Variants in WWTR1 observed in about 807,000 individuals in gnomAD.
WWTR1 encodes WW domain-containing transcription regulator protein 1.
WWTR1 carries 13 observed loss-of-function variants against 40.1 expected under a neutral mutation model. The ratio of observed to expected loss-of-function variants is 0.32; its 90% confidence interval spans 0.21 to 0.52. The LOEUF is 0.52. Ranked by LOEUF, WWTR1 falls within the 20% of genes least tolerant of loss-of-function variation. WWTR1 has a pLI of 0.97. For missense variants in WWTR1, 436 were observed against 523.1 expected (o/e 0.83, Z 1.63); for synonymous variants, 230 against 210.1 (o/e 1.09, Z -0.82).
chr3:149,657,435 A>C, intron 1 of WWTR1, 126 bp from the exon 2 acceptor site: 15 of 1,136,320 alleles, frequency 1.3e-5, no homozygotes, highest in Non-Finnish European at 1.8e-5. Flanking sequence ...GAGACAGATA[A>C]TTGCCCGCCT....
chr3:149,616,074 G>T (rs1287164501), intron 2 of WWTR1, among the ~76,000 whole-genome samples: 2 of 152,088 alleles, frequency 1.3e-5, no homozygotes, highest in Non-Finnish European at 2.9e-5. Flanking sequence ...AAACAAACCA[G>T]GAATATTCCA....
At chr3:149,616,790 A>C (rs1214415860) in intron 2 of WWTR1, among the ~76,000 whole-genome samples, 1 of 152,198 alleles carries the variant, frequency 6.6e-6, no homozygotes, top group Admixed American at 6.5e-5. Context: ...AGGTATTATG[A>C]GAAGTCATTT....
intron 2 of WWTR1, among the ~76,000 whole-genome samples, chr3:149,589,089 C>T (rs556804910): frequency 1.3e-5 from 2 of 152,276 alleles, no homozygotes; most frequent in African/African-American, 4.8e-5. Flanking sequence ...CAGGAGCTGC[C>T]CTCTCCTTGG....
intron 2 of WWTR1, among the ~76,000 whole-genome samples, chr3:149,583,335 G>T (rs1328187805): frequency 6.6e-6 from 1 of 152,140 alleles, no homozygotes; most frequent in African/African-American, 2.4e-5. Context: ...CATTAGACAA[G>T]TATTTACAGT....
chr3:149,645,236 C>A (rs568189856), intron 2 of WWTR1, among the ~76,000 whole-genome samples: 2 of 152,148 alleles, frequency 1.3e-5, no homozygotes, highest in Non-Finnish European at 2.9e-5. Context: ...CCCGCCACCA[C>A]GCCTGGCTAA....
chr3:149,639,860 G>A (rs1712049883), intron 2 of WWTR1, among the ~76,000 whole-genome samples: 2 of 152,038 alleles, frequency 1.3e-5, no homozygotes, highest in Non-Finnish European at 2.9e-5. Flanking sequence ...CAGGCGTGGT[G>A]GTGGGCACTT....
At chr3:149,536,432 A>G (rs1288348981) in intron 4 of WWTR1, among the ~76,000 whole-genome samples, 1 of 151,568 alleles carries the variant, frequency 6.6e-6, no homozygotes, top group Non-Finnish European at 1.5e-5. Flanking sequence ...CTCCAATACG[A>G]CACTCTCCTA....
At chr3:149,561,555 A>T (rs575117049) in intron 3 of WWTR1, among the ~76,000 whole-genome samples, 20 of 152,358 alleles carry the variant, frequency 1.3e-4, no homozygotes, top group Admixed American at 1.2e-3. Flanking sequence ...TATCCTATAC[A>T]TAAACAGCAT....
chr3:149,642,546 C>T (rs1469374326), intron 2 of WWTR1, among the ~76,000 whole-genome samples: 2 of 151,892 alleles, frequency 1.3e-5, no homozygotes, highest in South Asian at 2.1e-4. Context: ...GAGGCCGAGG[C>T]GGGTGGATCA....
intron 2 of WWTR1, among the ~76,000 whole-genome samples, chr3:149,651,991 AAT>A (rs1560104157): frequency 5.9e-5 from 3 of 50,816 alleles, no homozygotes; most frequent in Admixed American, 2.4e-4. Flanking sequence ...ACGCCCGGCT[AAT>A]TTTTTTTTTT....
At chr3:149,533,033 G>A (rs748322549) in intron 4 of WWTR1, among the ~76,000 whole-genome samples, 5 of 152,150 alleles carry the variant, frequency 3.3e-5, no homozygotes, top group Non-Finnish European at 7.3e-5. Context: ...CCCTCTAGTC[G>A]AGGCAGGAAA....
chr3:149,691,693 C>T (rs1468506063), intron 1 of WWTR1, among the ~76,000 whole-genome samples: 1 of 152,102 alleles, frequency 6.6e-6, no homozygotes, highest in African/African-American at 2.4e-5. Context: ...ACCTGGGACT[C>T]TATGGCTTCG....
chr3:149,622,821 C>T (rs866572132), intron 2 of WWTR1, among the ~76,000 whole-genome samples: 1 of 151,734 alleles, frequency 6.6e-6, no homozygotes, highest in South Asian at 2.1e-4. Context: ...GCCCGAGAGG[C>T]AGAGGCTGCA....
At position 149,527,158 on chromosome 3, in the gene WWTR1, T is replaced by C. The variant is rs1156907960; in HGVS notation, c.905+678A>G. On this transcript the variant is annotated intron_variant, in intron 5 of 6. Coordinates refer to ENST00000360632, the MANE Select transcript of WWTR1 (RefSeq NM_015472.6). ...AACATCATCTCTTTTCTTTTCTTTC[T>C]TTTTTTTTTTTTTGAGATGGAGTTT... Among the ~76,000 whole-genome samples, 5 of 35,650 alleles carry C rather than the reference T, an allele frequency of 1.4e-4. No homozygotes were observed. The East Asian group carries it at 3.7e-3, about 26-fold the overall frequency. 23.4% of individuals were successfully genotyped at this position (35,650 alleles called of 152,430 possible). A position where few individuals can be genotyped will look rare whatever the true frequency, so the allele number is the denominator to read the frequency against.
intron 3 of WWTR1, among the ~76,000 whole-genome samples, chr3:149,547,157 T>C (rs1736400129): frequency 6.6e-6 from 1 of 151,176 alleles, no homozygotes; most frequent in Admixed American, 6.6e-5. Flanking sequence ...ACATCTAAAT[T>C]TGTGATGAAC....
intron 2 of WWTR1, among the ~76,000 whole-genome samples, chr3:149,582,696 C>A (rs914204987): frequency 6.6e-6 from 1 of 152,018 alleles, no homozygotes; most frequent in Non-Finnish European, 1.5e-5. Context: ...TACCACTGCA[C>A]CCCAGTGTGG....
At chr3:149,555,375 C>T (rs548396222) in intron 3 of WWTR1, among the ~76,000 whole-genome samples, 3 of 151,786 alleles carry the variant, frequency 2.0e-5, no homozygotes, top group Non-Finnish European at 4.4e-5. Flanking sequence ...TTATCAGCTT[C>T]GTAAGGAATC....
At chr3:149,656,392 T>G (rs1713205593) in intron 2 of WWTR1, among the ~76,000 whole-genome samples, 1 of 152,110 alleles carries the variant, frequency 6.6e-6, no homozygotes, top group Admixed American at 6.5e-5. Context: ...CAACCACTGT[T>G]CACTTTTCCA....
chr3:149,576,246 T>C, intron 2 of WWTR1: 1 of 372,954 alleles, frequency 2.7e-6, no homozygotes, highest in South Asian at 2.0e-5. Flanking sequence ...CAAGAGGCAC[T>C]TAATACAGCC....
Sources: allele counts gnomAD v4.1 joint callset (sites outside exome capture counted in the v4.1 genomes callset), GRCh38; gene constraint gnomAD v4.1.1; transcripts MANE v1.5; gene names NCBI Gene and HGNC (gene_info 2026-07-23, HGNC 2026-07-21).